PLCG2: variants seen among roughly 807,000 people sequenced by gnomAD.
PLCG2 encodes phospholipase C gamma 2.
PLCG2 carries 69 observed loss-of-function variants against 175.6 expected under a neutral mutation model. That is an observed-to-expected ratio of 0.39 (90% CI 0.32 to 0.48). The LOEUF (loss-of-function observed/expected upper bound fraction) is 0.48. PLCG2 is among the 20% of genes least tolerant of loss of function. The probability of loss-of-function intolerance (pLI) is 0.91; values close to 1 mark genes in which losing one functional copy is unlikely to be tolerated. For synonymous variants in PLCG2, 827 were observed against 624.0 expected, an observed-to-expected ratio of 1.33 and a Z score of -4.85; for missense variants, 1,798 against 1,650.9, an observed-to-expected ratio of 1.09 and a Z score of -1.54.
intron 2 of PLCG2, among the ~76,000 whole-genome samples, chr16:81,793,148 C>A (rs1484315722): frequency 6.6e-6 from 1 of 152,202 alleles, no homozygotes; most frequent in African/African-American, 2.4e-5. Context: ...CACTTCCTGG[C>A]CTCCAGGTTC....
chr16:81,820,743 C>G (rs186391277), intron 2 of PLCG2, among the ~76,000 whole-genome samples: 3 of 152,210 alleles, frequency 2.0e-5, no homozygotes, highest in Non-Finnish European at 2.9e-5. Flanking sequence ...ACCTCAGCCT[C>G]CTGAGTAGCT....
chr16:81,895,365 C>A (rs1021650743), intron 12 of PLCG2, among the ~76,000 whole-genome samples: 1 of 151,968 alleles, frequency 6.6e-6, no homozygotes, highest in Non-Finnish European at 1.5e-5. Flanking sequence ...TTGAGACCAC[C>A]CTGGCCAACA....
At chr16:81,749,801 C>G (rs1443641872) in intron 1 of PLCG2, among the ~76,000 whole-genome samples, 1 of 152,202 alleles carries the variant, frequency 6.6e-6, no homozygotes, top group Non-Finnish European at 1.5e-5. Context: ...TGTGGATATA[C>G]TCACCCCACT....
At chr16:81,748,338 C>A (rs978209616) in intron 1 of PLCG2, among the ~76,000 whole-genome samples, 1 of 151,448 alleles carries the variant, frequency 6.6e-6, no homozygotes, top group Non-Finnish European at 1.5e-5. Flanking sequence ...TGCAGTAAGT[C>A]GAGATGGTGC....
intron 13 of PLCG2, among the ~76,000 whole-genome samples, chr16:81,899,753 T>C (rs1467889243): frequency 1.3e-5 from 2 of 152,220 alleles, no homozygotes; most frequent in African/African-American, 4.8e-5. Context: ...AACACCTGTG[T>C]CAGATACGCT....
chr16:81,940,867 A>ATATTTGAC (rs1347185923), intron 30 of PLCG2, among the ~76,000 whole-genome samples: 4 of 152,290 alleles, frequency 2.6e-5, no homozygotes, highest in Admixed American at 6.5e-5. Context: ...TTTAGGTATA[A>ATATTTGAC]TATTTGACAA....
intron 2 of PLCG2, among the ~76,000 whole-genome samples, chr16:81,763,232 C>A (rs1910076690): frequency 6.6e-6 from 1 of 152,222 alleles, no homozygotes; most frequent in African/African-American, 2.4e-5. Context: ...TCTGCTGTAG[C>A]CCAGATTTGC....
chr16:81,757,925 T>C (rs1909962605), intron 2 of PLCG2, among the ~76,000 whole-genome samples: 1 of 152,184 alleles, frequency 6.6e-6, no homozygotes, highest in African/African-American at 2.4e-5. Context: ...TGGCCTTTTG[T>C]GTCAGGCTTC....
chr16:81,812,851 A>G (rs1904377043), intron 2 of PLCG2, among the ~76,000 whole-genome samples: 2 of 152,112 alleles, frequency 1.3e-5, no homozygotes, highest in Non-Finnish European at 2.9e-5. Flanking sequence ...TAATTTTTGT[A>G]TAAGGTGTAA....
intron 7 of PLCG2, among the ~76,000 whole-genome samples, chr16:81,877,448 C>G (rs1284465063): frequency 6.6e-6 from 1 of 152,234 alleles, no homozygotes; most frequent in African/African-American, 2.4e-5. Context: ...CAGCGAGACT[C>G]CGTCTCAAAC....
chr16:81,885,829 G>T (rs1380709667), intron 9 of PLCG2, among the ~76,000 whole-genome samples: 1 of 152,280 alleles, frequency 6.6e-6, no homozygotes, highest in East Asian at 1.9e-4. Context: ...GCTGATAAAT[G>T]GTGAATGAGG....
At chr16:81,755,356 C>T (rs568074432) in intron 1 of PLCG2, among the ~76,000 whole-genome samples, 30 of 143,578 alleles carry the variant, frequency 2.1e-4, no homozygotes, top group African/African-American at 7.7e-4. Flanking sequence ...ACCACCATGC[C>T]TGGCTAATTT....
chr16:81,888,877 A>G (rs1284617174), intron 9 of PLCG2, among the ~76,000 whole-genome samples: 5 of 152,198 alleles, frequency 3.3e-5, no homozygotes, highest in Admixed American at 2.0e-4. Flanking sequence ...CCATTTGCCT[A>G]CGGATCATCT....
chr16:81,808,307 C>T (rs1217565410), intron 2 of PLCG2, among the ~76,000 whole-genome samples: 1 of 152,050 alleles, frequency 6.6e-6, no homozygotes, highest in Non-Finnish European at 1.5e-5. Flanking sequence ...GCAAACCCCT[C>T]CCCTTAAGTT....
intron 9 of PLCG2, among the ~76,000 whole-genome samples, chr16:81,888,110 A>G (rs1019764757): frequency 1.3e-5 from 2 of 152,230 alleles, no homozygotes; most frequent in Admixed American, 1.3e-4. Context: ...CCTTTTCTGT[A>G]AAATGACAAT....
chr16:81,840,371 C>T (rs528848781), intron 2 of PLCG2, among the ~76,000 whole-genome samples: 1 of 152,252 alleles, frequency 6.6e-6, no homozygotes, highest in South Asian at 2.1e-4. Context: ...CCAGATTGGC[C>T]TGGGGGGATA....
At chr16:81,863,504 C>T (rs894819703) in intron 5 of PLCG2, among the ~76,000 whole-genome samples, 1 of 152,196 alleles carries the variant, frequency 6.6e-6, no homozygotes, top group East Asian at 1.9e-4. Flanking sequence ...AGTGCTGCTG[C>T]GAACATGGGT....
rs142751392 is a variant in PLCG2 at position 81,768,155 on chromosome 16, C to T, written c.-48+12189C>T. On this transcript the variant is annotated intron_variant, in intron 2 of 5. Transcript: ENST00000565054. ...CCTCCAAAAGTGCTGGGATTATAGGCGTGAGCCACCATGCCCGGCCTAATG... is the reference window on the plus strand; with the variant it reads ...CCTCCAAAAGTGCTGGGATTATAGGTGTGAGCCACCATGCCCGGCCTAATG... 4.8e-4 allele frequency among the ~76,000 whole-genome samples: 73 copies of T among 152,202 alleles called. No individual in the cohort carries two copies. In the East Asian group the frequency reaches 0.011, roughly 24 times the overall value.
At chr16:81,924,521 C>G (rs1252634533) in intron 22 of PLCG2, among the ~76,000 whole-genome samples, 1 of 152,266 alleles carries the variant, frequency 6.6e-6, no homozygotes, top group Non-Finnish European at 1.5e-5. Flanking sequence ...AGTGCAGTCA[C>G]TTGTCCAGGG....
Sources: allele counts gnomAD v4.1 joint callset (sites outside exome capture counted in the v4.1 genomes callset), GRCh38; gene constraint gnomAD v4.1.1; transcripts MANE v1.5; gene names NCBI Gene and HGNC (gene_info 2026-07-23, HGNC 2026-07-21).